The following SNX29 variants were observed in gnomAD, a reference collection of about 807,000 sequenced individuals.
SNX29 encodes sorting nexin-29.
In SNX29, 78 loss-of-function variants were observed where a neutral mutation model predicts 102.1. The observed-to-expected ratio is 0.76, with a 90% confidence interval of 0.64 to 0.92. The LOEUF is 0.92. Ranked by LOEUF, SNX29 falls within the 40% of genes least tolerant of loss-of-function variation. The pLI is 0.00. For missense variants in SNX29, 1,280 were observed against 1,061.7 expected, an observed-to-expected ratio of 1.21 and a Z score of -2.86; for synonymous variants, 580 against 414.5, an observed-to-expected ratio of 1.40 and a Z score of -4.85.
chr16:12,112,385 C>T (rs577154315), intron 11 of SNX29, among the ~76,000 whole-genome samples: 38 of 152,160 alleles, frequency 2.5e-4, no homozygotes, highest in Non-Finnish European at 2.6e-4. Flanking sequence ...GGGCAGACTT[C>T]GGGCACCTCC....
intron 16 of SNX29, among the ~76,000 whole-genome samples, chr16:12,380,119 T>C (rs568815965): frequency 2.0e-5 from 3 of 152,176 alleles, no homozygotes; most frequent in African/African-American, 7.2e-5. Flanking sequence ...ATCTGGAAGC[T>C]GCACCAGCAC....
intron 20 of SNX29, among the ~76,000 whole-genome samples, chr16:12,544,721 G>T (rs1324453819): frequency 2.6e-5 from 4 of 152,162 alleles, no homozygotes; most frequent in Non-Finnish European, 5.9e-5. Flanking sequence ...TTTAATAGGA[G>T]GGGAAACCTC....
chr16:12,510,617 G>T (rs1196353281), intron 19 of SNX29, among the ~76,000 whole-genome samples: 1 of 152,044 alleles, frequency 6.6e-6, no homozygotes, highest in Admixed American at 6.5e-5. Flanking sequence ...AGGTTGCAGT[G>T]AGCCGAGATG....
intron 13 of SNX29, among the ~76,000 whole-genome samples, chr16:12,186,495 G>A (rs1040567384): frequency 1.3e-5 from 2 of 152,170 alleles, no homozygotes; most frequent in African/African-American, 2.4e-5. Context: ...TTACACGACC[G>A]CAGTGTGATG....
Position 12,504,816 on chromosome 16 carries a change from C to T in SNX29, c.2179-19886C>T, listed in dbSNP as rs189646715. On this transcript the variant is annotated intron_variant, in intron 19 of 20. Transcript: ENST00000566228. ...TAAGGTTTGGTGCTATCCACAGTTT[C>T]GGACATCCCCTGGGGGTCTTGGAAT... is the stretch of plus-strand genomic sequence containing the variant. Among the ~76,000 whole-genome samples, 48 of 152,332 alleles carry T rather than the reference C, an allele frequency of 3.2e-4. 1 individual carries two copies. The highest frequency in any genetic ancestry group is 2.8e-3 in the Admixed American group (43 of 15,296).
At chr16:12,532,114 T>C (rs1023680035) in intron 20 of SNX29, among the ~76,000 whole-genome samples, 14 of 152,224 alleles carry the variant, frequency 9.2e-5, no homozygotes, top group Admixed American at 1.3e-4. Flanking sequence ...ACGATCTCAT[T>C]AGTCAGGATT....
At chr16:12,208,231 C>G (rs903729408) in intron 14 of SNX29, among the ~76,000 whole-genome samples, 1 of 152,352 alleles carries the variant, frequency 6.6e-6, no homozygotes, top group East Asian at 1.9e-4. Flanking sequence ...GAAGTGTTCT[C>G]TCTGGCCGGG....
intron 15 of SNX29, among the ~76,000 whole-genome samples, chr16:12,351,148 G>A (rs939039093): frequency 4.6e-5 from 7 of 152,174 alleles, no homozygotes; most frequent in Non-Finnish European, 7.3e-5. Context: ...AGCCCTGCAG[G>A]GGGATTGTAG....
At position 12,570,609 on chromosome 16, in the gene SNX29, C is replaced by T. The variant is rs1567228837; in HGVS notation, c.*1980C>T. On this transcript the variant is annotated 3_prime_UTR_variant, in exon 21 of 21. Transcript: ENST00000566228. ...GGGTAGCTACCCTGGAGGTCATCTC[C>T]CTGTTCTCTGTTGGATAAAGGAACC... 4.3e-6 allele frequency: 1 copy of T among 232,086 alleles called. No homozygotes were observed. The highest frequency in any genetic ancestry group is 8.5e-6 in the Non-Finnish European group (1 of 117,440). 14.4% of individuals were successfully genotyped at this position (232,086 alleles called of 1,614,324 possible). A position where few individuals can be genotyped will look rare whatever the true frequency, so the allele number is the denominator to read the frequency against.
chr16:12,065,131 G>A (rs946664044), intron 9 of SNX29, among the ~76,000 whole-genome samples: 4 of 152,194 alleles, frequency 2.6e-5, no homozygotes, highest in African/African-American at 9.6e-5. Flanking sequence ...ATAACTCTGT[G>A]GTTTAGGGAG....
At chr16:12,472,099 A>G (rs1297647691) in intron 18 of SNX29, among the ~76,000 whole-genome samples, 1 of 152,254 alleles carries the variant, frequency 6.6e-6, no homozygotes, top group Non-Finnish European at 1.5e-5. Context: ...ACAGTGGAAT[A>G]CTATTCATTA....
chr16:12,466,470 G>C (rs1202323807), intron 18 of SNX29, among the ~76,000 whole-genome samples: 3 of 152,202 alleles, frequency 2.0e-5, no homozygotes, highest in Non-Finnish European at 4.4e-5. Flanking sequence ...ATGGGAGAGA[G>C]ATACAGCAGG....
At position 12,573,991 on chromosome 16, in the gene SNX29, C is replaced by G. The variant is rs969201305; in HGVS notation, c.*5362C>G. 4 of 198,320 alleles carry G rather than the reference C, an allele frequency of 2.0e-5. No homozygotes were observed. Among genetic ancestry groups the G allele is most frequent in the Admixed American group, 1.2e-4 (2 of 16,536 alleles). 12.3% of individuals were successfully genotyped at this position (198,320 alleles called of 1,614,324 possible). A position where few individuals can be genotyped will look rare whatever the true frequency, so the allele number is the denominator to read the frequency against. On this transcript the variant is annotated 3_prime_UTR_variant, in exon 21 of 21. Coordinates refer to ENST00000566228, the MANE Select transcript of SNX29 (RefSeq NM_032167.5). ...CACTAGGGGGCGCCCATGATCGGCTCCCAGTGCACCCCCTTAAGGGTAAGC... is the reference window on the plus strand; with the variant it reads ...CACTAGGGGGCGCCCATGATCGGCTGCCAGTGCACCCCCTTAAGGGTAAGC...
chr16:12,473,538 C>A (rs927031875), intron 18 of SNX29, among the ~76,000 whole-genome samples: 1 of 152,164 alleles, frequency 6.6e-6, no homozygotes, highest in African/African-American at 2.4e-5. Flanking sequence ...CTGCTGTTGT[C>A]AGAGGTGTTT....
intron 15 of SNX29, among the ~76,000 whole-genome samples, chr16:12,338,503 G>T (rs991329764): frequency 6.6e-6 from 1 of 152,160 alleles, no homozygotes; most frequent in Non-Finnish European, 1.5e-5. Flanking sequence ...TCCCACAAGG[G>T]GTGTCACGTT....
chr16:12,368,707 C>T (rs1346390907), intron 16 of SNX29, among the ~76,000 whole-genome samples: 1 of 152,184 alleles, frequency 6.6e-6, no homozygotes, highest in Admixed American at 6.5e-5. Context: ...GCTTTTTACC[C>T]CTCCGTTCTA....
intron 15 of SNX29, among the ~76,000 whole-genome samples, chr16:12,292,048 C>A (rs918050469): frequency 3.3e-5 from 5 of 152,178 alleles, no homozygotes; most frequent in African/African-American, 1.2e-4. Context: ...GCTGTCAGAT[C>A]TGCTGGTGGA....
chr16:12,571,985 T>G lies in SNX29; in HGVS notation c.*3356T>G. ...GTCTATGGTGGTAGCCATCTTCACA[T>G]CCAGTCACCAGTTGCATCTAGGGAG... On this transcript the variant is annotated 3_prime_UTR_variant, in exon 21 of 21. Coordinates refer to ENST00000566228, the MANE Select transcript of SNX29 (RefSeq NM_032167.5). The G allele has an allele frequency of 9.4e-7, 1 of 1,062,110 alleles. No homozygotes were observed. The highest frequency in any genetic ancestry group is 1.1e-6 in the Non-Finnish European group (1 of 877,216). 65.8% of individuals were successfully genotyped at this position (1,062,110 alleles called of 1,614,324 possible). A position where few individuals can be genotyped will look rare whatever the true frequency, so the allele number is the denominator to read the frequency against.
At chr16:12,338,381 C>G (rs1161392283) in intron 15 of SNX29, among the ~76,000 whole-genome samples, 2 of 152,120 alleles carry the variant, frequency 1.3e-5, no homozygotes, top group East Asian at 3.9e-4. Context: ...GGGGATCAGA[C>G]CAGCAGAGGG....
Sources: allele counts gnomAD v4.1 joint callset (sites outside exome capture counted in the v4.1 genomes callset), GRCh38; gene constraint gnomAD v4.1.1; transcripts MANE v1.5; gene names NCBI Gene and HGNC (gene_info 2026-07-23, HGNC 2026-07-21).